CDK14: variants seen among roughly 807,000 people sequenced by gnomAD.
CDK14 encodes the protein cyclin-dependent kinase 14.
Under a neutral mutation model 60.7 loss-of-function variants are expected in CDK14, and 34 were observed. That is an observed-to-expected ratio of 0.56 (90% CI 0.43 to 0.75). The LOEUF (loss-of-function observed/expected upper bound fraction) is 0.75. Ranked by LOEUF, CDK14 falls within the 30% of genes least tolerant of loss-of-function variation. CDK14 has a pLI of 0.00. For missense variants in CDK14, 482 were observed against 564.1 expected (o/e 0.85, Z 1.47); for synonymous variants, 197 against 203.7 (o/e 0.97, Z 0.28).
intron 6 of CDK14, among the ~76,000 whole-genome samples, chr7:90,893,221 G>A (rs1792192599): frequency 6.6e-6 from 1 of 152,142 alleles, no homozygotes; most frequent in African/African-American, 2.4e-5. Context: ...AGTATATCTG[G>A]TAGCATTAAG....
intron 2 of CDK14, among the ~76,000 whole-genome samples, chr7:90,645,467 G>A (rs1037573615): frequency 6.6e-6 from 1 of 151,714 alleles, no homozygotes; most frequent in Non-Finnish European, 1.5e-5. Flanking sequence ...CTACACATTT[G>A]CCAGGCTTGA....
intron 5 of CDK14, among the ~76,000 whole-genome samples, chr7:90,831,690 GT>G (rs34325666): frequency 0.59 from 88,957 of 150,008 alleles, 26,683 homozygotes; most frequent in East Asian, 0.86. Context: ...ACACTTGACT[GT>G]TTTTTTTTTC....
At chr7:90,685,295 A>G (rs566144768) in intron 2 of CDK14, among the ~76,000 whole-genome samples, 1 of 152,110 alleles carries the variant, frequency 6.6e-6, no homozygotes, top group East Asian at 1.9e-4. Flanking sequence ...TTGGGCCTGT[A>G]TCTCAATGAT....
At chr7:91,108,297 A>G (rs1195602660) in intron 12 of CDK14, among the ~76,000 whole-genome samples, 1 of 152,168 alleles carries the variant, frequency 6.6e-6, no homozygotes, top group African/African-American at 2.4e-5. Context: ...GCAGAGTGAG[A>G]CTCTGTCTCA....
At chr7:90,814,450 G>A (rs533844102) in intron 5 of CDK14, among the ~76,000 whole-genome samples, 47 of 152,058 alleles carry the variant, frequency 3.1e-4, no homozygotes, top group African/African-American at 1.1e-3. Context: ...CTTGTTTAGC[G>A]AGAGAAAATA....
intron 2 of CDK14, among the ~76,000 whole-genome samples, chr7:90,699,404 G>T (rs1446510402): frequency 1.3e-5 from 2 of 152,202 alleles, no homozygotes; most frequent in African/African-American, 4.8e-5. Context: ...TAAGTAGTTT[G>T]TACATCATTT....
intron 8 of CDK14, among the ~76,000 whole-genome samples, chr7:90,926,693 A>G (rs1191747396): frequency 6.6e-6 from 1 of 152,200 alleles, no homozygotes; most frequent in Non-Finnish European, 1.5e-5. Context: ...CACCTCAGAC[A>G]GACACCAACT....
intron 5 of CDK14, among the ~76,000 whole-genome samples, chr7:90,850,189 A>G (rs1228576710): frequency 1.3e-5 from 2 of 150,844 alleles, no homozygotes; most frequent in Non-Finnish European, 2.9e-5. Flanking sequence ...TTATCAGTGT[A>G]TTCAGGGTGA....
intron 6 of CDK14, among the ~76,000 whole-genome samples, chr7:90,872,033 C>T (rs75600826): frequency 0.028 from 4,221 of 152,230 alleles, 199 homozygotes; most frequent in East Asian, 0.18. Context: ...CCAACATATA[C>T]GGACTGTCTT....
intron 2 of CDK14, chr7:90,709,920 C>G: frequency 8.5e-7 from 1 of 1,177,756 alleles, no homozygotes; most frequent in Non-Finnish European, 1.1e-6. Context: ...TTAAAGAGTT[C>G]CAGGTGAATC....
intron 8 of CDK14, among the ~76,000 whole-genome samples, chr7:90,929,203 G>A (rs1455220186): frequency 2.0e-5 from 3 of 152,256 alleles, no homozygotes; most frequent in South Asian, 2.1e-4. Flanking sequence ...ACCCTGCTCC[G>A]TGGGCTGCAC....
intron 2 of CDK14, among the ~76,000 whole-genome samples, chr7:90,667,582 T>G (rs1563037447): frequency 2.0e-5 from 3 of 152,084 alleles, no homozygotes; most frequent in Non-Finnish European, 4.4e-5. Context: ...GTACTTTTTT[T>G]TTTTTTTGAG....
chr7:90,821,957 A>G (rs1285254880), intron 5 of CDK14, among the ~76,000 whole-genome samples: 1 of 152,308 alleles, frequency 6.6e-6, no homozygotes, highest in Middle Eastern at 3.4e-3. Context: ...TGCTTCTGCT[A>G]TCCTTCCTTC....
intron 7 of CDK14, among the ~76,000 whole-genome samples, chr7:90,914,886 A>T (rs1490395891): frequency 6.6e-6 from 1 of 152,190 alleles, no homozygotes; most frequent in Non-Finnish European, 1.5e-5. Flanking sequence ...GTCAGTACTC[A>T]CATTACTGGT....
intron 5 of CDK14, among the ~76,000 whole-genome samples, chr7:90,827,289 C>G (rs756720072): frequency 6.6e-6 from 1 of 152,058 alleles, no homozygotes; most frequent in Non-Finnish European, 1.5e-5. Flanking sequence ...TATCTCATTT[C>G]TTTTTGTCAT....
At chr7:90,619,484 T>G (rs2116365934) in intron 2 of CDK14, among the ~76,000 whole-genome samples, 1 of 152,338 alleles carries the variant, frequency 6.6e-6, no homozygotes, top group East Asian at 1.9e-4. Context: ...AAGCTGTTAT[T>G]TTTCTTTAGG....
chr7:90,844,994 G>A (rs2888813), intron 5 of CDK14, among the ~76,000 whole-genome samples: 105,593 of 151,978 alleles, frequency 0.69, 36,951 homozygotes, highest in East Asian at 0.89. Context: ...TAGCGAGAGA[G>A]AGAGAAACTT....
intron 6 of CDK14, among the ~76,000 whole-genome samples, chr7:90,863,805 T>C (rs1025796940): frequency 2.0e-5 from 3 of 152,060 alleles, no homozygotes; most frequent in Non-Finnish European, 4.4e-5. Context: ...TAGTACACAA[T>C]GTAATGATCT....
chr7:90,741,709 A>C (rs1395651302), intron 3 of CDK14, among the ~76,000 whole-genome samples: 1 of 152,190 alleles, frequency 6.6e-6, no homozygotes, highest in African/African-American at 2.4e-5. Context: ...CTTGTTAATA[A>C]CTGCCAAATA....
Sources: gnomAD v4.1 joint callset for allele counts (sites outside exome capture counted in the v4.1 genomes callset) on GRCh38, gnomAD v4.1.1 for gene constraint, MANE v1.5 for transcripts, NCBI Gene and HGNC (gene_info 2026-07-23, HGNC 2026-07-21) for gene names.